NIPAL2: variants seen among roughly 807,000 people sequenced by gnomAD.
NIPAL2 encodes NIPA like domain containing 2.
In NIPAL2, 43 loss-of-function variants were observed where a neutral mutation model predicts 48.9. The ratio of observed to expected loss-of-function variants is 0.88; its 90% CI spans 0.69 to 1.13. The LOEUF is 1.13. NIPAL2 is among the 50% of genes most tolerant of loss of function. NIPAL2 has a pLI of 0.00. For missense variants in NIPAL2, 446 were observed against 461.4 expected (o/e 0.97, Z 0.31); for synonymous variants, 167 against 174.6 (o/e 0.96, Z 0.34).
chr8:98,284,968 A>C (rs1816072401), intron 1 of NIPAL2, among the ~76,000 whole-genome samples: 1 of 152,198 alleles, frequency 6.6e-6, no homozygotes, highest in South Asian at 2.1e-4. Flanking sequence ...GAATAAGTAG[A>C]GGCCTTTCTA....
intron 1 of NIPAL2, among the ~76,000 whole-genome samples, chr8:98,286,375 T>A (rs953856366): frequency 6.6e-6 from 1 of 152,130 alleles, no homozygotes; most frequent in Admixed American, 6.5e-5. Flanking sequence ...CCTGCCAAGC[T>A]CAGGGTGGGT....
intron 3 of NIPAL2, among the ~76,000 whole-genome samples, chr8:98,237,480 C>G (rs1273012812): frequency 6.6e-6 from 1 of 152,030 alleles, no homozygotes; most frequent in African/African-American, 2.4e-5. Flanking sequence ...TCCCCCTTTT[C>G]CCCTTTCCCC....
chr8:98,244,027 A>C (rs1813134350), intron 3 of NIPAL2, among the ~76,000 whole-genome samples: 1 of 151,870 alleles, frequency 6.6e-6, no homozygotes, highest in Non-Finnish European at 1.5e-5. Context: ...CTTTATTATC[A>C]CTTCTTAAAG....
chr8:98,208,023 C>A (rs1811121525), intron 6 of NIPAL2, among the ~76,000 whole-genome samples: 4 of 152,044 alleles, frequency 2.6e-5, no homozygotes. Context: ...TTAGGAAAAC[C>A]ACCAAAGGGG....
chr8:98,226,098 ATAG>A (rs1484492533), intron 4 of NIPAL2, among the ~76,000 whole-genome samples: 2 of 152,010 alleles, frequency 1.3e-5, no homozygotes, highest in East Asian at 3.9e-4. Context: ...AATTTATTTG[ATAG>A]TATTCTGAAT....
rs751015984 is a variant in NIPAL2, at chr8:98,222,559, A to C, written c.478T>G (p.Phe160Val). 2.7e-5 allele frequency: 44 copies of C among 1,614,064 alleles called. 1 individual carries two copies. In the South Asian group the frequency reaches 4.6e-4, roughly 17 times the overall value. ...ATTGCCTGAGTTATATTTGGAGCAA[A>C]GTTCACCAGTAAATATGTTCCTGCA... is the stretch of plus-strand genomic sequence containing the variant. ...AFAGTYLLVN[F>V]APNITQAISA... The change falls in exon 5 of 11, where the codon TTT (phenylalanine) becomes GTT (valine). Residue 160 changes from phenylalanine (F) to valine (V), a missense_variant. By Grantham distance (50) the Phe-to-Val change is conservative. Transcript: ENST00000430223.
intron 1 of NIPAL2, among the ~76,000 whole-genome samples, chr8:98,291,314 G>GGGCT (rs1816477777): frequency 6.6e-6 from 1 of 152,178 alleles, no homozygotes; most frequent in Admixed American, 6.5e-5. Context: ...CTGGCCATGA[G>GGGCT]GGCTGCTTCT....
intron 7 of NIPAL2, 132 bp downstream of exon 7, chr8:98,204,979 C>A: frequency 1.1e-6 from 1 of 950,912 alleles, no homozygotes; most frequent in Non-Finnish European, 1.6e-6. Flanking sequence ...TGGCTGAGGA[C>A]AAGCTACAGG....
chr8:98,222,452 G>C (rs901049701), intron 5 of NIPAL2, 27 bp downstream of exon 5: 1 of 1,609,240 alleles, frequency 6.2e-7, no homozygotes, highest in Admixed American at 1.7e-5. Flanking sequence ...ATAGCTTCGG[G>C]GATAGTAAAA....
intron 4 of NIPAL2, among the ~76,000 whole-genome samples, chr8:98,222,961 T>G (rs115398736): frequency 0.012 from 1,893 of 152,278 alleles, 33 homozygotes; most frequent in African/African-American, 0.042. Context: ...GGTCAGTAAG[T>G]GCATGATGGA....
chr8:98,242,121 A>G (rs185893817), intron 3 of NIPAL2, among the ~76,000 whole-genome samples: 6 of 152,364 alleles, frequency 3.9e-5, no homozygotes, highest in Admixed American at 6.5e-5. Flanking sequence ...GATCTATTGC[A>G]CAGCATGGTG....
At chr8:98,207,003 A>G (rs1384758053) in intron 6 of NIPAL2, among the ~76,000 whole-genome samples, 2 of 152,170 alleles carry the variant, frequency 1.3e-5, no homozygotes, top group Non-Finnish European at 2.9e-5. Context: ...TCTGTGTGTC[A>G]CTTGATGGTT....
At chr8:98,266,414 C>T (rs1345481510) in intron 1 of NIPAL2, among the ~76,000 whole-genome samples, 2 of 151,826 alleles carry the variant, frequency 1.3e-5, no homozygotes, top group Non-Finnish European at 2.9e-5. Flanking sequence ...CTAGCCTGGG[C>T]AACACAGTGA....
intron 5 of NIPAL2, among the ~76,000 whole-genome samples, chr8:98,218,852 G>C (rs1811705029): frequency 6.6e-6 from 1 of 152,222 alleles, no homozygotes; most frequent in Admixed American, 6.5e-5. Context: ...TGTGGCTGGA[G>C]GGGGCTCACT....
At chr8:98,261,582 A>G (rs1484353149) in intron 1 of NIPAL2, among the ~76,000 whole-genome samples, 1 of 110,526 alleles carries the variant, frequency 9.0e-6, no homozygotes, top group Admixed American at 1.0e-4. Flanking sequence ...TAGAGAAAAA[A>G]GAATAAAAAG....
At chr8:98,259,238 G>A (rs543850223) in intron 1 of NIPAL2, among the ~76,000 whole-genome samples, 5 of 150,484 alleles carry the variant, frequency 3.3e-5, no homozygotes, top group South Asian at 2.1e-4. Flanking sequence ...CACCATGCCC[G>A]GCTAATTTTT....
chr8:98,278,322 A>G (rs1815602020), intron 1 of NIPAL2, among the ~76,000 whole-genome samples: 1 of 152,108 alleles, frequency 6.6e-6, no homozygotes, highest in African/African-American at 2.4e-5. Flanking sequence ...CCTCAATTTG[A>G]GGATTCATGT....
At chr8:98,259,069 C>CTTTTTTTTTTTTTTG (rs1563531576) in intron 1 of NIPAL2, among the ~76,000 whole-genome samples, 1 of 89,396 alleles carries the variant, frequency 1.1e-5, no homozygotes, top group African/African-American at 4.6e-5. Context: ...TTTAAATATT[C>CTTTTTTTTTTTTTTG]CTTTTTTTTT....
At chr8:98,237,070 C>CT (rs891542267) in intron 3 of NIPAL2, among the ~76,000 whole-genome samples, 6 of 151,164 alleles carry the variant, frequency 4.0e-5, no homozygotes, top group African/African-American at 1.2e-4. Context: ...CTATTTTTTT[C>CT]TTTTTTTTGA....
Sources: gnomAD v4.1 joint callset for allele counts (sites outside exome capture counted in the v4.1 genomes callset) on GRCh38, gnomAD v4.1.1 for gene constraint, MANE v1.5 for transcripts, NCBI Gene and HGNC (gene_info 2026-07-23, HGNC 2026-07-21) for gene names.